Variants in AATF observed in about 807,000 individuals in gnomAD.
The protein encoded by AATF is apoptosis antagonizing transcription factor.
AATF carries 48 observed loss-of-function variants against 63.7 expected under a neutral mutation model. The observed-to-expected ratio is 0.75, with a 90% CI of 0.60 to 0.96. The LOEUF is 0.96. Among genes scored for constraint, AATF ranks in the 40% least tolerant of loss-of-function variants. The probability of loss-of-function intolerance (pLI) is 0.00; values close to 1 mark genes in which losing one functional copy is unlikely to be tolerated. For missense variants in AATF, 639 were observed against 685.7 expected (o/e 0.93, Z 0.76); for synonymous variants, 258 against 247.7 (o/e 1.04, Z -0.39).
chr17:37,029,213 C>T (rs759715788), intron 10 of AATF, among the ~76,000 whole-genome samples: 10 of 152,226 alleles, frequency 6.6e-5, no homozygotes, highest in Non-Finnish European at 1.0e-4. Context: ...CACATGCCAC[C>T]GTGCCTGGCT....
intron 8 of AATF, among the ~76,000 whole-genome samples, chr17:37,001,452 G>GAAGGAAGGAAGA (rs2071296828): frequency 3.1e-5 from 3 of 96,252 alleles, no homozygotes; most frequent in East Asian, 5.6e-4. Flanking sequence ...AGGAAGGAAG[G>GAAGGAAGGAAGA]AAGAAAAAAA....
intron 2 of AATF, 93 bp downstream of exon 2, chr17:36,950,498 G>C (rs2070846562): frequency 7.8e-7 from 1 of 1,274,250 alleles, no homozygotes; most frequent in Non-Finnish European, 1.1e-6. Flanking sequence ...TGCAAGAGTA[G>C]TCTGCGGATC....
chr17:36,965,724 G>A (rs1597702933), intron 4 of AATF, among the ~76,000 whole-genome samples: 1 of 152,142 alleles, frequency 6.6e-6, no homozygotes, highest in Middle Eastern at 3.4e-3. Flanking sequence ...TTTATTGAGA[G>A]AGGGCCTTCA....
intron 10 of AATF, among the ~76,000 whole-genome samples, chr17:37,031,075 A>C (rs554757153): frequency 6.6e-6 from 1 of 152,292 alleles, no homozygotes; most frequent in Non-Finnish European, 1.5e-5. Flanking sequence ...TTTCTCCTGT[A>C]GCATTAGGGA....
chr17:36,955,640 A>T (rs2070893563), intron 4 of AATF, among the ~76,000 whole-genome samples: 1 of 152,084 alleles, frequency 6.6e-6, no homozygotes, highest in Non-Finnish European at 1.5e-5. Context: ...GCCTGTTTTC[A>T]TTTTGTTACT....
At chr17:36,970,344 T>G (rs902146433) in intron 4 of AATF, among the ~76,000 whole-genome samples, 2 of 152,218 alleles carry the variant, frequency 1.3e-5, no homozygotes, top group Non-Finnish European at 2.9e-5. Flanking sequence ...GTTGCTATCC[T>G]GTCTCTCATT....
intron 11 of AATF, among the ~76,000 whole-genome samples, chr17:37,044,541 G>GCTATATA (rs1344537881): frequency 4.6e-5 from 7 of 151,982 alleles, no homozygotes; most frequent in African/African-American, 1.7e-4. Context: ...GTTTTCTCCT[G>GCTATATA]CTATATACTA....
In AATF at chr17:36,986,698, A is replaced by G. The variant is rs1465350103; in HGVS notation, c.914A>G (p.Tyr305Cys). The change falls in exon 5 of 12, where the codon TAT becomes TGT. Residue 305 changes from tyrosine to cysteine, a missense_variant. By Grantham distance (194) the Tyr-to-Cys change is radical. Transcript: ENST00000619387. ...CTTTTCCAGTACCCAGACACTAGAT[A>G]TCTAGTAGATGGGACAAAGCCCAAT... ...ELLFQYPDTR[Y>C]LVDGTKPNAG... is the part of the protein sequence containing the mutation. 2 of 1,614,210 alleles carry G rather than the reference A, an allele frequency of 1.2e-6. No individual in the cohort carries two copies. Among genetic ancestry groups the G allele is most frequent in the Non-Finnish European group, 8.5e-7 (1 of 1,180,024 alleles).
chr17:37,023,850 C>A (rs2071491652), intron 10 of AATF, among the ~76,000 whole-genome samples: 1 of 152,000 alleles, frequency 6.6e-6, no homozygotes, highest in Admixed American at 6.6e-5. Flanking sequence ...CCCACACCCC[C>A]ACCCCTGCAG....
chr17:37,035,017 G>A (rs1002790679), intron 11 of AATF, among the ~76,000 whole-genome samples: 2 of 151,054 alleles, frequency 1.3e-5, no homozygotes, highest in African/African-American at 4.9e-5. Flanking sequence ...CCCAGCTACT[G>A]GGAGGCTGAG....
chr17:37,035,301 C>T (rs1421372099), intron 11 of AATF, among the ~76,000 whole-genome samples: 1 of 151,526 alleles, frequency 6.6e-6, no homozygotes, highest in Non-Finnish European at 1.5e-5. Flanking sequence ...TCACTGCAAC[C>T]TCCGCCTCCT....
Position 36,961,049 on chromosome 17 carries a change from A to C in AATF, c.832+7142A>C, listed in dbSNP as rs755909399. On this transcript the variant is annotated intron_variant, in intron 4 of 11. Transcript: ENST00000619387. ...CCTTTTCGCGTGCACACACACACAC[A>C]CCACACACTTTTTAAAACAGAAAAT... Among the ~76,000 whole-genome samples, 9 of 152,274 alleles carry C rather than the reference A, an allele frequency of 5.9e-5. No individual in the cohort carries two copies. The South Asian group carries it at 1.4e-3, about 25-fold the overall frequency.
At chr17:37,017,776 T>G (rs2071439114) in intron 8 of AATF, among the ~76,000 whole-genome samples, 1 of 152,188 alleles carries the variant, frequency 6.6e-6, no homozygotes, top group South Asian at 2.1e-4. Context: ...AGATTCATCT[T>G]TTGGAAGTGA....
chr17:36,951,365 G>A (rs952233564), intron 2 of AATF, among the ~76,000 whole-genome samples: 1 of 151,914 alleles, frequency 6.6e-6, no homozygotes, highest in Non-Finnish European at 1.5e-5. Flanking sequence ...TATTTATTGA[G>A]TTCTTACCAT....
chr17:37,024,141 A>G (rs2071493848), intron 10 of AATF, among the ~76,000 whole-genome samples: 1 of 152,180 alleles, frequency 6.6e-6, no homozygotes, highest in Admixed American at 6.5e-5. Flanking sequence ...CAGAGAGCCA[A>G]CTAGTCTGGA....
chr17:37,028,676 C>T (rs1482115447), intron 10 of AATF, among the ~76,000 whole-genome samples: 1 of 151,994 alleles, frequency 6.6e-6, no homozygotes, highest in Non-Finnish European at 1.5e-5. Context: ...GTTCCAGCTA[C>T]TCAGGAGGCT....
intron 11 of AATF, among the ~76,000 whole-genome samples, chr17:37,036,706 A>C (rs529986323): frequency 6.6e-6 from 1 of 152,006 alleles, no homozygotes; most frequent in Non-Finnish European, 1.5e-5. Flanking sequence ...TTGGATATTG[A>C]TTTAATGCTT....
intron 8 of AATF, among the ~76,000 whole-genome samples, chr17:37,013,391 A>C (rs1461185992): frequency 6.6e-6 from 1 of 152,170 alleles, no homozygotes; most frequent in Non-Finnish European, 1.5e-5. Context: ...AGAATGGGTA[A>C]TTTTTGAGGA....
At chr17:37,045,820 C>T (rs902221169) in intron 11 of AATF, 5 of 152,156 alleles carry the variant, frequency 3.3e-5, no homozygotes, top group African/African-American at 7.2e-5. Context: ...GCTGGTGAAA[C>T]GAGTGGGAGA....
Sources: gnomAD v4.1 joint callset for allele counts (sites outside exome capture counted in the v4.1 genomes callset) on GRCh38, gnomAD v4.1.1 for gene constraint, MANE v1.5 for transcripts, NCBI Gene and HGNC (gene_info 2026-07-23, HGNC 2026-07-21) for gene names.